Variants in ARSK observed in about 807,000 individuals in gnomAD.
ARSK encodes the protein arylsulfatase family member K.
A neutral mutation model predicts 53.2 loss-of-function variants in ARSK; 37 were observed. The ratio of observed to expected loss-of-function variants is 0.70; its 90% CI spans 0.54 to 0.92. ARSK has a LOEUF of 0.92. ARSK is among the 40% of genes least tolerant of loss of function. The probability of loss-of-function intolerance (pLI) is 0.00; values close to 1 mark genes in which losing one functional copy is unlikely to be tolerated. For missense variants in ARSK, 613 were observed against 643.0 expected (o/e 0.95, Z 0.51); for synonymous variants, 208 against 223.2 (o/e 0.93, Z 0.61).
chr5:95,564,536 C>G (rs1748695463), intron 1 of ARSK, among the ~76,000 whole-genome samples: 1 of 152,110 alleles, frequency 6.6e-6, no homozygotes, highest in African/African-American at 2.4e-5. Flanking sequence ...TTTTTTCCCC[C>G]TGCTGCCTCA....
chr5:95,581,114 A>G (rs931903356), intron 3 of ARSK, among the ~76,000 whole-genome samples: 1 of 152,212 alleles, frequency 6.6e-6, no homozygotes, highest in Non-Finnish European at 1.5e-5. Flanking sequence ...ATCACGTATT[A>G]TTTAGTTAGA....
chr5:95,569,158 C>T (rs1003634298), intron 3 of ARSK, among the ~76,000 whole-genome samples: 2 of 152,026 alleles, frequency 1.3e-5, no homozygotes, highest in Non-Finnish European at 2.9e-5. Flanking sequence ...CTTGGGATCC[C>T]CCAACACTTG....
At chr5:95,566,172 G>A in intron 2 of ARSK, 45 bp downstream of exon 2, 2 of 1,592,928 alleles carry the variant, frequency 1.3e-6, no homozygotes, top group Middle Eastern at 1.7e-4. Context: ...GCTACACACT[G>A]AAAATATATT....
chr5:95,602,319 A>G (rs1232688708), intron 7 of ARSK, among the ~76,000 whole-genome samples: 1 of 152,170 alleles, frequency 6.6e-6, no homozygotes, highest in Non-Finnish European at 1.5e-5. Context: ...AATTTGTTGA[A>G]ATTTTGTTTT....
chr5:95,595,699 G>A (rs1340228466), intron 6 of ARSK, among the ~76,000 whole-genome samples: 1 of 152,074 alleles, frequency 6.6e-6, no homozygotes, highest in Non-Finnish European at 1.5e-5. Context: ...GGGGCCAGAG[G>A]GCCAGAGGTT....
chr5:95,582,776 A>T, intron 3 of ARSK, 140 bp from the exon 4 acceptor site: 1 of 751,902 alleles, frequency 1.3e-6, no homozygotes, highest in African/African-American at 1.8e-5. Flanking sequence ...TTTCTTTTTG[A>T]GATCTAATAT....
At chr5:95,580,034 T>C (rs1748995395) in intron 3 of ARSK, among the ~76,000 whole-genome samples, 1 of 152,138 alleles carries the variant, frequency 6.6e-6, no homozygotes, top group Admixed American at 6.5e-5. Flanking sequence ...GTACTACACT[T>C]TGAGAGATGC....
chr5:95,577,528 T>C (rs962317989), intron 3 of ARSK, among the ~76,000 whole-genome samples: 2 of 152,260 alleles, frequency 1.3e-5, no homozygotes, highest in Admixed American at 6.5e-5. Flanking sequence ...ATGTAGCACA[T>C]ATTCATTATT....
intron 3 of ARSK, among the ~76,000 whole-genome samples, chr5:95,580,546 C>T (rs988890118): frequency 1.3e-5 from 2 of 152,170 alleles, no homozygotes; most frequent in African/African-American, 2.4e-5. Context: ...TTCATATTCT[C>T]ATTCCATATT....
intron 6 of ARSK, among the ~76,000 whole-genome samples, chr5:95,598,152 A>C (rs1749344613): frequency 6.6e-6 from 1 of 152,120 alleles, no homozygotes; most frequent in Non-Finnish European, 1.5e-5. Context: ...CTGCATTTTT[A>C]CCATTTGTTT....
intron 4 of ARSK, among the ~76,000 whole-genome samples, chr5:95,584,295 C>G (rs1418597137): frequency 6.6e-6 from 1 of 152,202 alleles, no homozygotes; most frequent in African/African-American, 2.4e-5. Flanking sequence ...GCATACATAT[C>G]TGTTGTATAC....
intron 6 of ARSK, among the ~76,000 whole-genome samples, chr5:95,597,913 C>G (rs4869242): frequency 0.75 from 104,540 of 140,246 alleles, 39,680 homozygotes; most frequent in Non-Finnish European, 0.82. Context: ...AAGTGGGGGG[C>G]GGGTAATAGT....
At chr5:95,561,344 T>C (rs1019503259) in intron 1 of ARSK, among the ~76,000 whole-genome samples, 2 of 152,212 alleles carry the variant, frequency 1.3e-5, no homozygotes, top group African/African-American at 4.8e-5. Context: ...GGAAATCAGT[T>C]TGGCAGTTTC....
chr5:95,601,585 G>A (rs1343043991), intron 7 of ARSK, among the ~76,000 whole-genome samples: 2 of 152,140 alleles, frequency 1.3e-5, no homozygotes, highest in Non-Finnish European at 2.9e-5. Context: ...TAAAATTGAT[G>A]CTTCTTACAG....
Position 95,555,547 on chromosome 5 carries a change from T to C in ARSK, c.126+143T>C. The C allele has an allele frequency of 1.1e-6, 1 of 874,902 alleles. No homozygotes were observed. Among genetic ancestry groups the C allele is most frequent in the Non-Finnish European group, 1.6e-6 (1 of 610,870 alleles). The allele number at this position is 874,902 out of a possible 1,614,324, so 54.2% of individuals were successfully genotyped here. A position where few individuals can be genotyped will look rare whatever the true frequency, so the allele number is the denominator to read the frequency against. On this transcript the variant is annotated intron_variant, in intron 1 of 7. Transcript: ENST00000380009. This position sits in a 1 kb window ranked among gnomAD's most constrained non-coding sequence, Gnocchi z 4.0. ...CCGATGCAAAGAAAGAAATACATTT[T>C]ATGTGAGGCCCCGTGTACTCACACG...
intron 3 of ARSK, among the ~76,000 whole-genome samples, chr5:95,575,055 T>G (rs926529419): frequency 6.6e-6 from 1 of 152,218 alleles, no homozygotes; most frequent in East Asian, 1.9e-4. Flanking sequence ...TTCATTTTTC[T>G]GCGTATGGAT....
At position 95,603,926 on chromosome 5, in the gene ARSK, A is replaced by T. The variant is rs1047331945; in HGVS notation, c.*400A>T. On this transcript the variant is annotated 3_prime_UTR_variant, in exon 8 of 8. Coordinates refer to ENST00000380009, the MANE Select transcript of ARSK (RefSeq NM_198150.3). ...GTCGCAAAAAAATAAAAATAAAATA[A>T]TAATAATTACCAATTTTTCATTATT... The T allele has an allele frequency of 6.6e-6, 1 of 152,186 alleles. No individual in the cohort carries two copies. Among genetic ancestry groups the T allele is most frequent in the African/African-American group, 2.4e-5 (1 of 41,426 alleles). 9.4% of individuals were successfully genotyped at this position (152,186 alleles called of 1,614,324 possible).
At position 95,602,587 on chromosome 5, in the gene ARSK, G is replaced by A. The variant is rs542638454; in HGVS notation, c.1322-650G>A. The stretch of plus-strand genomic sequence containing the variant: ...ATTGTCATAAGATCTCTGACTTGCT[G>A]TTCTTCCAGTTAGATTGGTATACTA... On this transcript the variant is annotated intron_variant, in intron 7 of 7. Transcript: ENST00000380009. Among the ~76,000 whole-genome samples, 15 of 152,238 alleles carry A rather than the reference G, an allele frequency of 9.9e-5. No individual in the cohort carries two copies. The South Asian group carries it at 2.9e-3, about 29-fold the overall frequency.
chr5:95,598,068 C>A (rs142100884), intron 6 of ARSK, among the ~76,000 whole-genome samples: 22 of 152,252 alleles, frequency 1.4e-4, no homozygotes, highest in African/African-American at 5.3e-4. Context: ...CCACTCAAAT[C>A]CATTATGTAC....
Sources: gnomAD v4.1 joint callset for allele counts (sites outside exome capture counted in the v4.1 genomes callset) on GRCh38, gnomAD v4.1.1 for gene constraint, Gnocchi (gnomAD v3.1) non-coding constraint, MANE v1.5 for transcripts, NCBI Gene and HGNC (gene_info 2026-07-23, HGNC 2026-07-21) for gene names.